Variants in SGCZ observed in about 807,000 individuals in gnomAD.
The protein encoded by SGCZ is sarcoglycan zeta, also known as zeta-sarcoglycan.
Under a neutral mutation model 41.3 loss-of-function variants are expected in SGCZ, and 40 were observed. The ratio of observed to expected loss-of-function variants is 0.97; its 90% CI spans 0.75 to 1.26. SGCZ has a LOEUF of 1.26. Among genes scored for constraint, SGCZ ranks in the 50% most tolerant of loss-of-function variants. The pLI is 0.00. For synonymous variants in SGCZ, 206 were observed against 137.5 expected (o/e 1.50, Z -3.49); for missense variants, 552 against 369.8 (o/e 1.49, Z -4.04).
chr8:14,457,255 G>C (rs1488261459), intron 2 of SGCZ, among the ~76,000 whole-genome samples: 2 of 152,196 alleles, frequency 1.3e-5, no homozygotes, highest in African/African-American at 4.8e-5. Flanking sequence ...GACATAGTGA[G>C]GTGTAACTAG....
chr8:15,121,434 A>G (rs139675863), intron 1 of SGCZ, among the ~76,000 whole-genome samples: 4 of 152,200 alleles, frequency 2.6e-5, no homozygotes, highest in Non-Finnish European at 5.9e-5. Flanking sequence ...CATATAGCAG[A>G]TGACCTTCCA....
intron 1 of SGCZ, among the ~76,000 whole-genome samples, chr8:15,189,181 A>G (rs934299993): frequency 6.6e-6 from 1 of 152,212 alleles, no homozygotes; most frequent in South Asian, 2.1e-4. Flanking sequence ...ATAATTTTAT[A>G]TGATGGATGT....
chr8:14,144,657 G>T lies in SGCZ; in HGVS notation c.547+19923C>A, dbSNP rs118031097. Among the ~76,000 whole-genome samples the T allele has an allele frequency of 2.7e-3, 408 of 152,312 alleles. 14 individuals carry two copies. The East Asian group carries it at 0.074, about 27-fold the overall frequency. On this transcript the variant is annotated intron_variant, in intron 5 of 7. Coordinates refer to ENST00000382080, the MANE Select transcript of SGCZ (RefSeq NM_139167.4). ...TAAGTATCAGCATTGCCACATGGGTGTAGAGCACCAAGCAGGCTCCTGGAG... is the reference window on the plus strand; with the variant it reads ...TAAGTATCAGCATTGCCACATGGGTTTAGAGCACCAAGCAGGCTCCTGGAG...
At chr8:14,137,531 T>C (rs1361289073) in intron 5 of SGCZ, among the ~76,000 whole-genome samples, 1 of 152,160 alleles carries the variant, frequency 6.6e-6, no homozygotes, top group East Asian at 1.9e-4. Flanking sequence ...ATGTGATGCA[T>C]GCACAAGCTT....
chr8:14,115,167 G>T (rs978888895), intron 5 of SGCZ, among the ~76,000 whole-genome samples: 3 of 151,942 alleles, frequency 2.0e-5, no homozygotes, highest in African/African-American at 7.2e-5. Flanking sequence ...TACTGAGGTT[G>T]TTGTTTTGCC....
intron 2 of SGCZ, among the ~76,000 whole-genome samples, chr8:14,516,254 C>A (rs553998928): frequency 1.2e-4 from 18 of 152,014 alleles, no homozygotes; most frequent in Admixed American, 1.1e-3. Flanking sequence ...AGCTATTAAT[C>A]GCAGTACTCA....
chr8:15,066,837 A>G lies in SGCZ; in HGVS notation c.39+170748T>C, dbSNP rs532239966. 2.0e-5 allele frequency among the ~76,000 whole-genome samples: 3 copies of G among 152,308 alleles called. No homozygotes were observed. In the South Asian group the frequency reaches 6.2e-4, roughly 32 times the overall value. On this transcript the variant is annotated intron_variant, in intron 1 of 7. Coordinates refer to ENST00000382080, the MANE Select transcript of SGCZ (RefSeq NM_139167.4). The stretch of plus-strand genomic sequence containing the variant: ...CACTAAGCCCAATACATTATCATGG[A>G]GAAGTATTATAGTTGGAAAGCAAGA...
intron 5 of SGCZ, among the ~76,000 whole-genome samples, chr8:14,128,282 C>G (rs1233596457): frequency 6.6e-6 from 1 of 152,086 alleles, no homozygotes; most frequent in African/African-American, 2.4e-5. Context: ...TTTCAGCAAA[C>G]CAACAAACCA....
intron 3 of SGCZ, chr8:14,309,038 G>C: frequency 7.9e-7 from 1 of 1,269,580 alleles, no homozygotes; most frequent in Non-Finnish European, 1.1e-6. Flanking sequence ...GAAACCGGAA[G>C]CCTCCCCTAC....
chr8:14,178,446 C>A (rs1804620597), intron 4 of SGCZ, among the ~76,000 whole-genome samples: 1 of 152,164 alleles, frequency 6.6e-6, no homozygotes, highest in Non-Finnish European at 1.5e-5. Flanking sequence ...TAAACAGGTC[C>A]AAATTTTGTT....
chr8:14,793,201 C>T (rs1801013015), intron 1 of SGCZ, among the ~76,000 whole-genome samples: 2 of 152,148 alleles, frequency 1.3e-5, no homozygotes, highest in African/African-American at 2.4e-5. Context: ...TGAAAATACC[C>T]ACTTTGCTTC....
intron 1 of SGCZ, among the ~76,000 whole-genome samples, chr8:14,811,426 C>T (rs1468806350): frequency 6.7e-6 from 1 of 149,198 alleles, no homozygotes; most frequent in Non-Finnish European, 1.5e-5. Context: ...AAAAATAAAA[C>T]AGCACAAAAA....
At chr8:14,227,359 A>C (rs2117138269) in intron 4 of SGCZ, among the ~76,000 whole-genome samples, 1 of 152,274 alleles carries the variant, frequency 6.6e-6, no homozygotes, top group African/African-American at 2.4e-5. Flanking sequence ...AAGGAAGGAA[A>C]GACATTAAAC....
intron 2 of SGCZ, among the ~76,000 whole-genome samples, chr8:14,460,271 G>C (rs746798942): frequency 1.3e-5 from 2 of 152,080 alleles, no homozygotes; most frequent in Non-Finnish European, 2.9e-5. Flanking sequence ...GCAAATAAAA[G>C]GGAATGAAAA....
chr8:15,216,571 G>A (rs1165345673), intron 1 of SGCZ, among the ~76,000 whole-genome samples: 1 of 151,938 alleles, frequency 6.6e-6, no homozygotes, highest in South Asian at 2.1e-4. Context: ...TGTACAAGTT[G>A]TGTATAAATA....
In SGCZ at chr8:14,751,383, C is replaced by G. The variant is rs541498778; in HGVS notation, c.40-196457G>C. ...TATCTAGTCCATTCATTAGTAGGAT[C>G]TAGAGTATTTATACCATATGACATC... is the stretch of plus-strand genomic sequence containing the variant. On this transcript the variant is annotated intron_variant, in intron 1 of 7. Coordinates refer to ENST00000382080, the MANE Select transcript of SGCZ (RefSeq NM_139167.4). Among the ~76,000 whole-genome samples, 5 of 152,160 alleles carry G rather than the reference C, an allele frequency of 3.3e-5. No individual in the cohort carries two copies. The South Asian group carries it at 1.0e-3, about 32-fold the overall frequency.
chr8:14,326,131 G>T (rs1358685302), intron 2 of SGCZ, among the ~76,000 whole-genome samples: 5 of 17,588 alleles, frequency 2.8e-4, no homozygotes, highest in East Asian at 4.3e-3. Context: ...AAAAAAAAAA[G>T]ATGAGGACGT....
At chr8:14,118,547 C>T (rs768060062) in intron 5 of SGCZ, among the ~76,000 whole-genome samples, 4 of 152,172 alleles carry the variant, frequency 2.6e-5, no homozygotes, top group Non-Finnish European at 5.9e-5. Context: ...TTTTGCTATG[C>T]AGAAGCTCTT....
rs115518120 is a variant in SGCZ at position 14,683,112 on chromosome 8, G to C, written c.40-128186C>G. Among the ~76,000 whole-genome samples the C allele has an allele frequency of 2.1e-3, 324 of 152,244 alleles. 1 individual carries two copies. Among genetic ancestry groups the C allele is most frequent in the Middle Eastern group, 6.8e-3 (2 of 292 alleles). On this transcript the variant is annotated intron_variant, in intron 1 of 7. Transcript: ENST00000382080. ...GACTGTATATTTGGGATTCTGACAA[G>C]AACACTTCAAGTATGTCACAAAATC...
Sources: gnomAD v4.1 joint callset for allele counts (sites outside exome capture counted in the v4.1 genomes callset) on GRCh38, gnomAD v4.1.1 for gene constraint, MANE v1.5 for transcripts, NCBI Gene and HGNC (gene_info 2026-07-23, HGNC 2026-07-21) for gene names.